The following MFHAS1 variants were observed in gnomAD, a reference collection of about 807,000 sequenced individuals.
The protein encoded by MFHAS1 is multifunctional ROCO family signaling regulator 1.
A neutral mutation model predicts 70.4 loss-of-function variants in MFHAS1; 50 were observed. That is an observed-to-expected ratio of 0.71 (90% CI 0.57 to 0.90). The LOEUF (loss-of-function observed/expected upper bound fraction) is 0.90, where lower values mean the gene tolerates loss of function less well. Ranked by LOEUF, MFHAS1 falls within the 40% of genes least tolerant of loss-of-function variation. The probability of loss-of-function intolerance (pLI) is 0.00; values close to 1 mark genes in which losing one functional copy is unlikely to be tolerated. For missense variants in MFHAS1, 1,795 were observed against 1,347.6 expected (o/e 1.33, Z -5.20); for synonymous variants, 952 against 620.0 (o/e 1.54, Z -7.96).
At chr8:8,801,191 G>A (rs1235747970) in intron 1 of MFHAS1, among the ~76,000 whole-genome samples, 2 of 151,860 alleles carry the variant, frequency 1.3e-5, no homozygotes, top group African/African-American at 4.8e-5. Context: ...CTCCAGCCTG[G>A]ACGATGGGGT....
At chr8:8,850,642 C>G (rs995786064) in intron 1 of MFHAS1, among the ~76,000 whole-genome samples, 1 of 152,070 alleles carries the variant, frequency 6.6e-6, no homozygotes, top group African/African-American at 2.4e-5. Context: ...GGAGACCAGC[C>G]TGGCCAACAT....
intron 1 of MFHAS1, among the ~76,000 whole-genome samples, chr8:8,856,248 G>C (rs913993448): frequency 2.0e-5 from 3 of 152,310 alleles, no homozygotes; most frequent in African/African-American, 7.2e-5. Context: ...CACTGGTCAG[G>C]TGGGGTCAAG....
intron 2 of MFHAS1, among the ~76,000 whole-genome samples, chr8:8,795,561 C>T (rs1052616133): frequency 6.6e-6 from 1 of 152,302 alleles, no homozygotes; most frequent in East Asian, 1.9e-4. Context: ...CTTGGGTGTT[C>T]GGTGATATTT....
intron 1 of MFHAS1, among the ~76,000 whole-genome samples, chr8:8,861,693 G>C (rs556283675): frequency 7.2e-5 from 11 of 152,198 alleles, no homozygotes; most frequent in Admixed American, 3.9e-4. Flanking sequence ...GAATATTCCC[G>C]TCACCACAAA....
At chr8:8,878,401 G>T (rs1000463536) in intron 1 of MFHAS1, among the ~76,000 whole-genome samples, 1 of 151,964 alleles carries the variant, frequency 6.6e-6, no homozygotes, top group African/African-American at 2.4e-5. Context: ...GCTGCTGTGG[G>T]GATTAAATAA....
intron 1 of MFHAS1, among the ~76,000 whole-genome samples, chr8:8,833,161 G>C (rs971639067): frequency 5.9e-5 from 9 of 152,048 alleles, no homozygotes; most frequent in African/African-American, 2.2e-4. Context: ...ACCACCAAAG[G>C]GGGACTGGTG....
chr8:8,812,172 G>T (rs986229595), intron 1 of MFHAS1, among the ~76,000 whole-genome samples: 1 of 52,350 alleles, frequency 1.9e-5, no homozygotes, highest in Admixed American at 3.9e-4. Context: ...GGAGAAGCCC[G>T]TAAGTGTAGT....
intron 2 of MFHAS1, among the ~76,000 whole-genome samples, chr8:8,796,696 A>AAAGGC (rs1554475319): frequency 1.0e-5 from 1 of 97,408 alleles, no homozygotes; most frequent in African/African-American, 3.4e-5. Flanking sequence ...AACAAAAAAA[A>AAAGGC]AAAAAAAGGC....
intron 1 of MFHAS1, among the ~76,000 whole-genome samples, chr8:8,857,648 T>C (rs1022789630): frequency 7.9e-5 from 12 of 151,324 alleles, no homozygotes; most frequent in Admixed American, 7.9e-4. Flanking sequence ...TAGTCTCAGC[T>C]ACTCAGGAGG....
intron 1 of MFHAS1, chr8:8,821,862 T>G (rs1406791484): frequency 6.6e-6 from 1 of 152,234 alleles, no homozygotes; most frequent in Non-Finnish European, 1.5e-5. Context: ...TGATTAACTG[T>G]GGATAAGCCC....
At chr8:8,867,269 A>C (rs1448395319) in intron 1 of MFHAS1, among the ~76,000 whole-genome samples, 2 of 152,160 alleles carry the variant, frequency 1.3e-5, no homozygotes, top group Non-Finnish European at 2.9e-5. Flanking sequence ...TTCACCATAT[A>C]AACTTTTTGT....
intron 1 of MFHAS1, among the ~76,000 whole-genome samples, chr8:8,879,526 A>G (rs1809428077): frequency 6.6e-6 from 1 of 152,206 alleles, no homozygotes. Flanking sequence ...AAGTCAACTC[A>G]AAAGAAGGAC....
Position 8,880,228 on chromosome 8 carries a change from G to C in MFHAS1, c.2998+9833C>G, listed in dbSNP as rs567655895. Among the ~76,000 whole-genome samples, 34 of 152,276 alleles carry C rather than the reference G, an allele frequency of 2.2e-4. 1 individual carries two copies. In the South Asian group the frequency reaches 7.0e-3, roughly 32 times the overall value. On this transcript the variant is annotated intron_variant, in intron 1 of 2. Coordinates refer to ENST00000276282, the MANE Select transcript of MFHAS1 (RefSeq NM_004225.3). ...TCTTAAGTTACACCTTGGAAAGAAA[G>C]TTGCTACAAAGCCTGGCAAAAGAAT...
chr8:8,851,214 T>C (rs1808237602), intron 1 of MFHAS1, among the ~76,000 whole-genome samples: 1 of 152,240 alleles, frequency 6.6e-6, no homozygotes, highest in African/African-American at 2.4e-5. Context: ...ACTTCATTTG[T>C]CCTACAGTTT....
At chr8:8,859,293 A>T (rs1808573356) in intron 1 of MFHAS1, among the ~76,000 whole-genome samples, 1 of 152,166 alleles carries the variant, frequency 6.6e-6, no homozygotes, top group African/African-American at 2.4e-5. Context: ...GTAGTGAGCC[A>T]AGATCACACC....
At chr8:8,823,462 G>A (rs1014069499) in intron 1 of MFHAS1, among the ~76,000 whole-genome samples, 1 of 152,082 alleles carries the variant, frequency 6.6e-6, no homozygotes, top group African/African-American at 2.4e-5. Context: ...TCTGGGCCTC[G>A]TCCCTTCTAC....
intron 1 of MFHAS1, among the ~76,000 whole-genome samples, chr8:8,861,489 G>A (rs1253779292): frequency 6.6e-6 from 1 of 151,976 alleles, no homozygotes; most frequent in Non-Finnish European, 1.5e-5. Context: ...ATAATCACAA[G>A]GTATATACCA....
chr8:8,890,546 C>T lies in MFHAS1; in HGVS notation c.2513G>A (p.Gly838Asp), dbSNP rs553281752. 5 of 1,613,492 alleles carry T rather than the reference C, an allele frequency of 3.1e-6. No individual in the cohort carries two copies. Among genetic ancestry groups the T allele is most frequent in the Non-Finnish European group, 4.2e-6 (5 of 1,180,048 alleles). ...GLCYCLNKPKGKPLNGSTAWY... is the reference protein window; with the variant it reads ...GLCYCLNKPKDKPLNGSTAWY... ...AGCTGTGGACCCATTCAAAGGCTTGCCCTTGGGTTTATTGAGGCAGTAACA... is the reference window on the plus strand; with the variant it reads ...AGCTGTGGACCCATTCAAAGGCTTGTCCTTGGGTTTATTGAGGCAGTAACA... Residue 838 changes from glycine (G) to aspartate (D), a missense_variant, in exon 1 of 3, where the codon GGC (glycine) becomes GAC (aspartate). By Grantham distance (94) the Gly-to-Asp change is moderately conservative (BLOSUM62 -1). Coordinates refer to ENST00000276282, the MANE Select transcript of MFHAS1 (RefSeq NM_004225.3).
At chr8:8,844,680 T>A (rs1807962738) in intron 1 of MFHAS1, among the ~76,000 whole-genome samples, 1 of 152,154 alleles carries the variant, frequency 6.6e-6, no homozygotes, top group Non-Finnish European at 1.5e-5. Context: ...TCACACTCTA[T>A]CCCCTGAACC....
Sources: allele counts gnomAD v4.1 joint callset (sites outside exome capture counted in the v4.1 genomes callset), GRCh38; gene constraint gnomAD v4.1.1; transcripts MANE v1.5; gene names NCBI Gene and HGNC (gene_info 2026-07-23, HGNC 2026-07-21).